The following PRPF40B variants were observed in gnomAD, a reference collection of about 807,000 sequenced individuals.
The protein encoded by PRPF40B is pre-mRNA-processing factor 40 homolog B.
Under a neutral mutation model 124.5 loss-of-function variants are expected in PRPF40B, and 56 were observed. That is an observed-to-expected ratio of 0.45 (90% confidence interval 0.36 to 0.56). PRPF40B has a LOEUF of 0.56. Among genes scored for constraint, PRPF40B ranks in the 20% least tolerant of loss-of-function variants. The pLI, the probability that PRPF40B is intolerant of heterozygous loss-of-function variation, is 0.00. For missense variants in PRPF40B, 1,053 were observed against 1,169.5 expected (o/e 0.90, Z 1.45); for synonymous variants, 443 against 426.4 (o/e 1.04, Z -0.48).
chr12:49,637,657 G>A, intron 17 of PRPF40B, 73 bp downstream of exon 17: 4 of 1,559,182 alleles, frequency 2.6e-6, no homozygotes, highest in African/African-American at 1.4e-5. Flanking sequence ...CCCTACTACC[G>A]GCTCCTGTCC....
chr12:49,633,362 A>G (rs2138473085), intron 7 of PRPF40B, 65 bp from the exon 8 acceptor site: 1 of 1,605,568 alleles, frequency 6.2e-7, no homozygotes, highest in South Asian at 1.1e-5. Flanking sequence ...AGGTCCCCTT[A>G]GCTCCCCTGA....
intron 1 of PRPF40B, among the ~76,000 whole-genome samples, chr12:49,628,423 G>C (rs1940921324): frequency 6.6e-6 from 1 of 152,096 alleles, no homozygotes; most frequent in Admixed American, 6.6e-5. Flanking sequence ...ACCACACCTG[G>C]CTAATTTTTG....
intron 11 of PRPF40B, 39 bp downstream of exon 11, chr12:49,634,494 C>T (rs761079064): frequency 1.2e-6 from 2 of 1,614,178 alleles, no homozygotes; most frequent in East Asian, 2.2e-5. Context: ...TTGGAGGGGG[C>T]TGGAGCGGGG....
intron 1 of PRPF40B, chr12:49,624,005 G>A (rs1242059838): frequency 2.0e-6 from 2 of 1,012,744 alleles, no homozygotes; most frequent in African/African-American, 1.7e-5. Context: ...CAGCCCCAGC[G>A]CCCGTTCCCT....
At chr12:49,630,514 TG>T in intron 1 of PRPF40B, 30 bp from the exon 2 acceptor site, 3 of 1,061,036 alleles carry the variant, frequency 2.8e-6, no homozygotes, top group Non-Finnish European at 4.3e-6. Context: ...GTGCCCATCC[TG>T]GGTCCTATGA....
In PRPF40B at chr12:49,635,180, C is replaced by T; in HGVS notation, c.1083C>T (p.Ala361=). The T allele has an allele frequency of 6.2e-7, 1 of 1,614,082 alleles. No homozygotes were observed. Among genetic ancestry groups the T allele is most frequent in the Non-Finnish European group, 8.5e-7 (1 of 1,180,026 alleles). ...AQREKEEKEE[A]RLRAKEAKQT... Reference sequence around the variant, plus strand: ...GGGAGAAGGAGGAGAAGGAGGAGGCCCGGCTAAGGGCCAAAGAGGCCAAGC... The same window carrying T: ...GGGAGAAGGAGGAGAAGGAGGAGGCTCGGCTAAGGGCCAAAGAGGCCAAGC... The change falls in exon 13 of 26, where the codon GCC becomes GCT. Residue 361 remains alanine, a synonymous_variant. Transcript: ENST00000548825. This position sits in a 1 kb window ranked among gnomAD's most constrained non-coding sequence, Gnocchi z 4.1.
intron 18 of PRPF40B, chr12:49,638,336 C>G (rs1565841167): frequency 1.3e-5 from 2 of 153,972 alleles, no homozygotes; most frequent in African/African-American, 4.8e-5. Flanking sequence ...TCTTTAGCTT[C>G]TCTTGTCAAT....
At chr12:49,627,478 G>C (rs1231219513) in intron 1 of PRPF40B, among the ~76,000 whole-genome samples, 2 of 152,092 alleles carry the variant, frequency 1.3e-5, no homozygotes, top group East Asian at 3.9e-4. Context: ...TAGTAGGCAA[G>C]GTGTGTGGGG....
chr12:49,625,893 C>T (rs193094566), intron 1 of PRPF40B, among the ~76,000 whole-genome samples: 4 of 152,142 alleles, frequency 2.6e-5, no homozygotes, highest in Admixed American at 1.3e-4. Flanking sequence ...GGACACAACA[C>T]GGGAAGCTCA....
Position 49,644,460 on chromosome 12 carries a change from A to T in PRPF40B, c.*268A>T. 1 of 466,270 alleles carries T rather than the reference A, an allele frequency of 2.1e-6. No homozygotes were observed. The highest frequency in any genetic ancestry group is 4.0e-6 in the Non-Finnish European group (1 of 250,980). The allele number at this position is 466,270 out of a possible 1,614,324, so 28.9% of individuals were successfully genotyped here. ...TGTGGGGTGGGTGATGCCAGTAGATAAAAGTGTGAGAGAAGGGGTCTCCAG... is the reference window on the plus strand; with the variant it reads ...TGTGGGGTGGGTGATGCCAGTAGATTAAAGTGTGAGAGAAGGGGTCTCCAG... On this transcript the variant is annotated 3_prime_UTR_variant, in exon 26 of 26. Coordinates refer to ENST00000548825, the MANE Select transcript of PRPF40B (RefSeq NM_001031698.3).
In PRPF40B at chr12:49,643,624, G is replaced by A. The variant is rs963374748; in HGVS notation, c.2381-67G>A. 1.4e-5 allele frequency: 21 copies of A among 1,536,876 alleles called. No individual in the cohort carries two copies. In the Middle Eastern group the frequency reaches 5.1e-4, roughly 37 times the overall value. ...CTGCCTGTGAAGAATGAACAGAGGG[G>A]CTAGAACAAAGAAAAAGAGCCTGTC... is the stretch of plus-strand genomic sequence containing the variant. On this transcript the variant is annotated intron_variant, in intron 23 of 25. Coordinates refer to ENST00000548825, the MANE Select transcript of PRPF40B (RefSeq NM_001031698.3).
At position 49,642,356 on chromosome 12, in the gene PRPF40B, G is replaced by A. The variant is rs765830577; in HGVS notation, c.2006G>A (p.Gly669Asp). ...LRQAVPALEL[G>D]TAWEEVRERF... ...CAGGCTGTGCCTGCTCTGGAGCTAG[G>A]CACTGCCTGGGAAGAGGTCAGGAGC... The change falls in exon 20 of 26, where the codon GGC becomes GAC. Residue 669 changes from glycine (G) to aspartate (D), a missense_variant. Coordinates refer to ENST00000548825, the MANE Select transcript of PRPF40B (RefSeq NM_001031698.3). This position sits in a 1 kb window ranked among gnomAD's most constrained non-coding sequence, Gnocchi z 5.8. 2.9e-5 allele frequency: 47 copies of A among 1,613,762 alleles called. No homozygotes were observed. Among genetic ancestry groups the A allele is most frequent in the Non-Finnish European group, 2.8e-5 (33 of 1,180,036 alleles).
intron 18 of PRPF40B, chr12:49,641,321 G>C (rs549617268): frequency 6.6e-6 from 1 of 152,360 alleles, no homozygotes; most frequent in Admixed American, 6.5e-5. Flanking sequence ...GGGATAGAGA[G>C]CCCCCCCAGG....
In PRPF40B at chr12:49,635,020, C is replaced by T. The variant is rs779470303; in HGVS notation, c.1002-79C>T. 1.8e-5 allele frequency: 26 copies of T among 1,415,220 alleles called. No individual in the cohort carries two copies. Among genetic ancestry groups the T allele is most frequent in the Non-Finnish European group, 2.4e-5 (25 of 1,044,160 alleles). The allele number at this position is 1,415,220 out of a possible 1,614,324, so 87.7% of individuals were successfully genotyped here. On this transcript the variant is annotated intron_variant, in intron 12 of 25. Coordinates refer to ENST00000548825, the MANE Select transcript of PRPF40B (RefSeq NM_001031698.3). The surrounding 1 kb of genome is among the most constrained non-coding windows in gnomAD (Gnocchi z 4.1). ...GGAGCCCCTGCAGCCTGCAGTGTCT[C>T]ATGACCCTCCAGTGTGGGCTGTGCA...
In PRPF40B at chr12:49,631,377, A is replaced by G. The variant is rs1415199257; in HGVS notation, c.85-24A>G. ...CAAGGCGATGTCTTCCCTGCTCAGT[A>G]TCTCTTCCTTTACTCATTTCCAGAT... is the stretch of plus-strand genomic sequence containing the variant. On this transcript the variant is annotated intron_variant, in intron 2 of 25. Transcript: ENST00000548825. This position sits in a 1 kb window ranked among gnomAD's most constrained non-coding sequence, Gnocchi z 4.3. 6.7e-7 allele frequency: 1 copy of G among 1,496,980 alleles called. No individual in the cohort carries two copies. The highest frequency in any genetic ancestry group is 8.9e-7 in the Non-Finnish European group (1 of 1,123,784). 92.7% of individuals were successfully genotyped at this position (1,496,980 alleles called of 1,614,324 possible).
At position 49,635,254 on chromosome 12, in the gene PRPF40B, C is replaced by T; in HGVS notation, c.1157C>T (p.Thr386Ile). 6.2e-7 allele frequency: 1 copy of T among 1,613,206 alleles called. No individual in the cohort carries two copies. The highest frequency in any genetic ancestry group is 8.5e-7 in the Non-Finnish European group (1 of 1,179,512). Reference protein sequence around the residue: ...LEQHERMTSTTRYRRAEQTFG... With the variant: ...LEQHERMTSTIRYRRAEQTFG... ...CAGCATGAACGCATGACCTCCACCA[C>T]CCGCTACCGGTCAGGGGGCCAGGCT... The change falls in exon 13 of 26, where the codon ACC (threonine) becomes ATC (isoleucine). Residue 386 changes from threonine (T) to isoleucine (I), a missense_variant. Transcript: ENST00000548825. The surrounding 1 kb of genome is among the most constrained non-coding windows in gnomAD (Gnocchi z 4.1).
rs143028418 is a variant in PRPF40B, at chr12:49,641,958, C to T, written c.1818C>T (p.His606=). ...ACACGGCCTTTGAGGACTTCGCCCACGTCATAAGCTTTGACAAGAGGGCTG... is the reference window on the plus strand; with the variant it reads ...ACACGGCCTTTGAGGACTTCGCCCATGTCATAAGCTTTGACAAGAGGGCTG... ...EVNTAFEDFA[H]VISFDKRAAA... is the part of the protein sequence containing the mutation. The change falls in exon 19 of 26, where the codon CAC becomes CAT. Residue 606 remains histidine, a synonymous_variant. Coordinates refer to ENST00000548825, the MANE Select transcript of PRPF40B (RefSeq NM_001031698.3). 25 of 1,613,874 alleles carry T rather than the reference C, an allele frequency of 1.5e-5. No homozygotes were observed. Among genetic ancestry groups the T allele is most frequent in the Admixed American group, 1.0e-4 (6 of 60,008 alleles).
chr12:49,633,908 C>T lies in PRPF40B; in HGVS notation c.628C>T (p.Gln210Ter). The T allele has an allele frequency of 1.2e-6, 2 of 1,614,200 alleles. No individual in the cohort carries two copies. The highest frequency in any genetic ancestry group is 1.7e-6 in the Non-Finnish European group (2 of 1,180,034). Residue 210 changes from glutamine to a stop codon, truncating the protein, a stop_gained, in exon 10 of 26, where the codon CAG (glutamine) becomes TAG (stop). Transcript: ENST00000548825. LOFTEE classifies it high-confidence loss of function. ...AAGKQQQQLP[Q>*]TLQPQPPQPQ... ...CAGGAAACAGCAGCAGCAGCTGCCA[C>T]AGACACTTCAGCCACAGCCACCTCA...
rs933336791 is a variant in PRPF40B at position 49,635,313 on chromosome 12, G to A, written c.1166+50G>A. 6 of 1,609,168 alleles carry A rather than the reference G, an allele frequency of 3.7e-6. No individual in the cohort carries two copies. The highest frequency in any genetic ancestry group is 5.1e-6 in the Non-Finnish European group (6 of 1,177,494). ...ACTTGGGAACCCTGAGAACACAAAG[G>A]TCCAGGGTCTCTGTTCTCTGTCTAC... is the stretch of plus-strand genomic sequence containing the variant. On this transcript the variant is annotated intron_variant, in intron 13 of 25. Coordinates refer to ENST00000548825, the MANE Select transcript of PRPF40B (RefSeq NM_001031698.3). This position sits in a 1 kb window ranked among gnomAD's most constrained non-coding sequence, Gnocchi z 4.1.
Sources: gnomAD v4.1 joint callset for allele counts (sites outside exome capture counted in the v4.1 genomes callset) on GRCh38, gnomAD v4.1.1 for gene constraint, Gnocchi (gnomAD v3.1) non-coding constraint, MANE v1.5 for transcripts, NCBI Gene and HGNC (gene_info 2026-07-23, HGNC 2026-07-21) for gene names.